The following CLCA1 variants were observed in gnomAD, a reference collection of about 807,000 sequenced individuals.
CLCA1 encodes calcium-activated chloride channel regulator 1.
CLCA1 carries 59 observed loss-of-function variants against 85.6 expected under a neutral mutation model. That is an observed-to-expected ratio of 0.69 (90% CI 0.56 to 0.86). CLCA1 has a LOEUF of 0.86. CLCA1 is among the 40% of genes least tolerant of loss of function. The probability of loss-of-function intolerance (pLI) is 0.00; values close to 1 mark genes in which losing one functional copy is unlikely to be tolerated. For synonymous variants in CLCA1, 396 were observed against 398.3 expected (o/e 0.99, Z 0.07); for missense variants, 1,022 against 1,101.4 (o/e 0.93, Z 1.02).
intron 13 of CLCA1, 27 bp downstream of exon 13, chr1:86,498,838 T>TAA (rs1648377467): frequency 1.3e-6 from 2 of 1,591,670 alleles, no homozygotes; most frequent in Middle Eastern, 1.7e-4. Context: ...GTGGACCCTG[T>TAA]AAAAGAGTTT....
In CLCA1 at chr1:86,498,514, G is replaced by A. The variant is rs961417171; in HGVS notation, c.2114-58G>A. ...AGGGTGATCTGATAAGAAAACAGAC[G>A]GAGGTGTCACCATTTAGTGATGTTG... On this transcript the variant is annotated intron_variant, in intron 12 of 13. Transcript: ENST00000394711. The A allele has an allele frequency of 1.6e-4, 249 of 1,550,628 alleles. 1 individual carries two copies. Among genetic ancestry groups the A allele is most frequent in the African/African-American group, 9.9e-4 (73 of 73,590 alleles).
chr1:86,494,864 T>TA (rs1648232601), intron 11 of CLCA1, among the ~76,000 whole-genome samples: 1 of 152,174 alleles, frequency 6.6e-6, no homozygotes, highest in Non-Finnish European at 1.5e-5. Flanking sequence ...TTATAATATC[T>TA]TCACTGAGGC....
At chr1:86,495,210 T>C (rs1368293913) in intron 11 of CLCA1, among the ~76,000 whole-genome samples, 3 of 152,182 alleles carry the variant, frequency 2.0e-5, no homozygotes, top group Non-Finnish European at 4.4e-5. Flanking sequence ...TTAATTTAGT[T>C]CAACAGATAC....
At chr1:86,495,170 T>C (rs537551895) in intron 11 of CLCA1, among the ~76,000 whole-genome samples, 1 of 152,228 alleles carries the variant, frequency 6.6e-6, no homozygotes, top group South Asian at 2.1e-4. Context: ...TCATACAACA[T>C]TTTTTTCTTC....
chr1:86,469,242 T>C, intron 1 of CLCA1, 109 bp downstream of exon 1: 2 of 671,706 alleles, frequency 3.0e-6, no homozygotes, highest in Non-Finnish European at 4.7e-6. Context: ...TATTTTTATG[T>C]CTAAGTCTCA....
chr1:86,491,245 A>C lies in CLCA1; in HGVS notation c.1358-20A>C. ...GTTGCTTTCTGGAAAATAATTTCTG[A>C]AAATGTAATTGCATTTTAGGAGGTT... On this transcript the variant is annotated intron_variant, in intron 8 of 13. Coordinates refer to ENST00000394711, the MANE Select transcript of CLCA1 (RefSeq NM_001285.4). The C allele has an allele frequency of 6.4e-7, 1 of 1,571,230 alleles. No homozygotes were observed. The highest frequency in any genetic ancestry group is 8.7e-7 in the Non-Finnish European group (1 of 1,143,762).
intron 4 of CLCA1, among the ~76,000 whole-genome samples, chr1:86,477,265 C>T (rs1021767810): frequency 3.9e-5 from 6 of 152,166 alleles, no homozygotes; most frequent in Admixed American, 2.6e-4. Context: ...CCACCATGCC[C>T]GGCCCAGAAT....
At chr1:86,477,808 A>C (rs1385093581) in intron 4 of CLCA1, among the ~76,000 whole-genome samples, 1 of 152,230 alleles carries the variant, frequency 6.6e-6, no homozygotes, top group African/African-American at 2.4e-5. Flanking sequence ...TCTCAAAAGA[A>C]ACTTGATAAA....
intron 5 of CLCA1, 23 bp downstream of exon 5, chr1:86,482,405 C>T (rs2101735591): frequency 6.2e-7 from 1 of 1,601,516 alleles, no homozygotes; most frequent in African/African-American, 1.3e-5. Flanking sequence ...TTCTCACCCC[C>T]TCCCCCAGAT....
chr1:86,493,943 A>T (rs1422242788), intron 10 of CLCA1, among the ~76,000 whole-genome samples: 1 of 152,184 alleles, frequency 6.6e-6, no homozygotes, highest in Non-Finnish European at 1.5e-5. Context: ...CAATAAGCAT[A>T]TAGCTTTCAG....
intron 8 of CLCA1, among the ~76,000 whole-genome samples, chr1:86,491,039 T>C (rs1267258351): frequency 1.3e-5 from 2 of 152,024 alleles, no homozygotes; most frequent in East Asian, 3.9e-4. Flanking sequence ...CATGCCACTG[T>C]ACTCCACCCT....
intron 1 of CLCA1, among the ~76,000 whole-genome samples, chr1:86,471,662 T>C (rs150066290): frequency 3.3e-5 from 5 of 152,318 alleles, no homozygotes; most frequent in African/African-American, 9.6e-5. Context: ...CATTTTTTAA[T>C]TTTATTTTTT....
intron 4 of CLCA1, 59 bp downstream of exon 4, chr1:86,476,612 T>C (rs1423915412): frequency 1.3e-6 from 1 of 789,570 alleles, no homozygotes; most frequent in Admixed American, 2.2e-5. Flanking sequence ...CTTTTTTTCT[T>C]GAATTGATTA....
At chr1:86,481,512 G>T (rs573136582) in intron 4 of CLCA1, among the ~76,000 whole-genome samples, 35 of 152,140 alleles carry the variant, frequency 2.3e-4, no homozygotes, top group Middle Eastern at 6.8e-3. Flanking sequence ...AGGAAACAAA[G>T]CTATCTGTGC....
In CLCA1 at chr1:86,496,758, T is replaced by G. The variant is rs138430910; in HGVS notation, c.2113+1083T>G. Among the ~76,000 whole-genome samples the G allele has an allele frequency of 5.3e-3, 813 of 152,186 alleles. 3 individuals carry two copies. The highest frequency in any genetic ancestry group is 7.9e-3 in the Non-Finnish European group (538 of 67,996). On this transcript the variant is annotated intron_variant, in intron 12 of 13. Coordinates refer to ENST00000394711, the MANE Select transcript of CLCA1 (RefSeq NM_001285.4). ...ACCACTGCATTTTTTTTTTAGACAG[T>G]CTTGCTCTGTCACCAGTCTGGAGTG...
At chr1:86,476,305 T>C (rs939114757) in intron 3 of CLCA1, 143 bp from the exon 4 acceptor site, 5 of 576,454 alleles carry the variant, frequency 8.7e-6, no homozygotes, top group African/African-American at 3.7e-5. Context: ...CGTACAGTTA[T>C]ATTAGATCTA....
chr1:86,498,880 G>T, intron 13 of CLCA1, 69 bp downstream of exon 13: 1 of 1,546,298 alleles, frequency 6.5e-7, no homozygotes, highest in African/African-American at 1.4e-5. Flanking sequence ...AAGCGGGTGA[G>T]GCAGGCAGCC....
chr1:86,499,108 G>A (rs1648384615), intron 13 of CLCA1, among the ~76,000 whole-genome samples: 1 of 152,194 alleles, frequency 6.6e-6, no homozygotes, highest in Non-Finnish European at 1.5e-5. Flanking sequence ...AGTGACTCCT[G>A]GGGAAGAACT....
intron 7 of CLCA1, 29 bp from the exon 8 acceptor site, chr1:86,488,967 A>G: frequency 6.3e-7 from 1 of 1,598,852 alleles, no homozygotes; most frequent in Non-Finnish European, 8.6e-7. Context: ...CCTAAGTCTG[A>G]TAACTCGTGC....
Sources: gnomAD v4.1 joint callset for allele counts (sites outside exome capture counted in the v4.1 genomes callset) on GRCh38, gnomAD v4.1.1 for gene constraint, MANE v1.5 for transcripts, NCBI Gene and HGNC (gene_info 2026-07-23, HGNC 2026-07-21) for gene names.